COL14A1: variants seen among roughly 807,000 people sequenced by gnomAD.
The protein encoded by COL14A1 is collagen alpha-1(XIV) chain.
COL14A1 carries 136 observed loss-of-function variants against 230.3 expected under a neutral mutation model. That is an observed-to-expected ratio of 0.59 (90% confidence interval 0.51 to 0.68). COL14A1 has a LOEUF of 0.68. Among genes scored for constraint, COL14A1 ranks in the 30% least tolerant of loss-of-function variants. COL14A1 has a pLI of 0.00. For synonymous variants in COL14A1, 792 were observed against 784.1 expected, an observed-to-expected ratio of 1.01 and a Z score of -0.17; for missense variants, 1,976 against 2,215.8, an observed-to-expected ratio of 0.89 and a Z score of 2.17.
At chr8:120,236,353 C>T (rs1340214663) in intron 19 of COL14A1, among the ~76,000 whole-genome samples, 2 of 151,996 alleles carry the variant, frequency 1.3e-5, no homozygotes, top group Middle Eastern at 3.2e-3. Context: ...TGCATTGATC[C>T]CTTTACCATT....
chr8:120,369,212 G>T, intron 46 of COL14A1, 118 bp from the exon 47 acceptor site: 1 of 1,004,460 alleles, frequency 1.0e-6, no homozygotes, highest in Non-Finnish European at 1.4e-6. Context: ...GTAGAAAGAG[G>T]TTGTCCTAAT....
intron 34 of COL14A1, among the ~76,000 whole-genome samples, chr8:120,290,716 T>G (rs548423963): frequency 1.6e-4 from 24 of 152,294 alleles, no homozygotes; most frequent in African/African-American, 5.8e-4. Context: ...GACCCATGGT[T>G]CTAATTCCAC....
intron 4 of COL14A1, among the ~76,000 whole-genome samples, chr8:120,166,875 A>AGTGTGTGTGTGTGTGTGTGTGTGT (rs4053270): frequency 1.1e-4 from 13 of 116,970 alleles, no homozygotes; most frequent in Admixed American, 1.7e-4. Context: ...AAAGAATTTA[A>AGTGTGTGTGTGTGTGTGTGTGTGT]GTGTGTGTGT....
chr8:120,279,825 T>C (rs1819982329), intron 28 of COL14A1, 110 bp from the exon 29 acceptor site: 5 of 1,168,944 alleles, frequency 4.3e-6, no homozygotes, highest in South Asian at 3.2e-5. Flanking sequence ...TCCACCCCCA[T>C]GGGCCTTCCT....
intron 1 of COL14A1, among the ~76,000 whole-genome samples, chr8:120,137,252 A>G (rs1242519447): frequency 1.3e-5 from 2 of 152,160 alleles, no homozygotes; most frequent in Admixed American, 6.5e-5. Context: ...ATTATTGGCA[A>G]AAAGTTATTT....
chr8:120,341,432 G>A, intron 43 of COL14A1, 72 bp downstream of exon 43: 2 of 1,484,188 alleles, frequency 1.3e-6, no homozygotes, highest in Non-Finnish European at 1.9e-6. Context: ...CCTGATAAAG[G>A]ATCATCATTT....
intron 44 of COL14A1, among the ~76,000 whole-genome samples, chr8:120,344,051 CAG>C (rs1822410560): frequency 6.6e-6 from 1 of 152,300 alleles, no homozygotes; most frequent in African/African-American, 2.4e-5. Flanking sequence ...TACGAATTCT[CAG>C]AGTCTTGTGA....
At chr8:120,160,371 A>G (rs1815622304) in intron 3 of COL14A1, among the ~76,000 whole-genome samples, 1 of 151,964 alleles carries the variant, frequency 6.6e-6, no homozygotes, top group South Asian at 2.1e-4. Flanking sequence ...ACTTTTTTTG[A>G]TTAATTGCTG....
chr8:120,172,833 A>G (rs766233264), intron 5 of COL14A1, among the ~76,000 whole-genome samples: 1 of 152,118 alleles, frequency 6.6e-6, no homozygotes, highest in Non-Finnish European at 1.5e-5. Flanking sequence ...ACAACTTCCC[A>G]CCTTGAATGC....
At chr8:120,185,106 C>A (rs544249819) in intron 5 of COL14A1, among the ~76,000 whole-genome samples, 1 of 152,228 alleles carries the variant, frequency 6.6e-6, no homozygotes, top group East Asian at 1.9e-4. Context: ...ATAGGGCAGG[C>A]ATCTGTCAGG....
In COL14A1 at chr8:120,147,909, T is replaced by C; in HGVS notation, c.67T>C (p.Cys23Arg). ...LPPFLAIVYFCTIVQGQVAPP... is the reference protein window; with the variant it reads ...LPPFLAIVYFRTIVQGQVAPP... ...ACCTTTTTTGGCAATTGTTTATTTC[T>C]GCACCATTGTCCAAGGTCAAGGTAA... Residue 23 changes from cysteine (C) to arginine (R), a missense_variant, in exon 2 of 48, where the codon TGC becomes CGC. Around this residue, in one of 3 missense-constraint regions of COL14A1, gnomAD observed 181 missense variants for 178.6 expected, o/e 1.01. Transcript: ENST00000297848. 6.2e-7 allele frequency: 1 copy of C among 1,613,772 alleles called. No homozygotes were observed. The highest frequency in any genetic ancestry group is 8.5e-7 in the Non-Finnish European group (1 of 1,179,720).
chr8:120,310,100 C>G (rs776017738), intron 37 of COL14A1, 38 bp downstream of exon 37: 9 of 1,585,284 alleles, frequency 5.7e-6, no homozygotes, highest in Non-Finnish European at 7.8e-6. Context: ...TGTCTCATCT[C>G]TCTCTCTCTC....
intron 1 of COL14A1, among the ~76,000 whole-genome samples, chr8:120,139,641 T>C (rs1814833135): frequency 6.6e-6 from 1 of 152,196 alleles, no homozygotes; most frequent in Non-Finnish European, 1.5e-5. Flanking sequence ...TTTTTTGCTA[T>C]TTCAACATGT....
chr8:120,263,667 C>T (rs1819412804), intron 24 of COL14A1, among the ~76,000 whole-genome samples: 2 of 152,086 alleles, frequency 1.3e-5, no homozygotes, highest in African/African-American at 4.8e-5. Context: ...CATTTGTGTG[C>T]TTAACTCAGT....
chr8:120,137,113 T>C (rs1417836862), intron 1 of COL14A1, among the ~76,000 whole-genome samples: 1 of 152,084 alleles, frequency 6.6e-6, no homozygotes, highest in African/African-American at 2.4e-5. Context: ...CTTGTGGAAA[T>C]ATTTTTTAAT....
chr8:120,147,816 C>T lies in COL14A1; in HGVS notation c.-27C>T, dbSNP rs754886041. Reference sequence around the variant, plus strand: ...TCTCTCTGTTTCTAGGTGGCTGCTACACCCCATGTAAAAAGCGGAAAATAA... The same window carrying T: ...TCTCTCTGTTTCTAGGTGGCTGCTATACCCCATGTAAAAAGCGGAAAATAA... On this transcript the variant is annotated 5_prime_UTR_variant, in exon 2 of 48. Coordinates refer to ENST00000297848, the MANE Select transcript of COL14A1 (RefSeq NM_021110.4). The T allele has an allele frequency of 3.2e-6, 5 of 1,575,958 alleles. No individual in the cohort carries two copies. The highest frequency in any genetic ancestry group is 3.5e-6 in the Non-Finnish European group (4 of 1,148,574).
intron 14 of COL14A1, among the ~76,000 whole-genome samples, chr8:120,223,154 A>G (rs1332836363): frequency 6.6e-6 from 1 of 152,234 alleles, no homozygotes; most frequent in Non-Finnish European, 1.5e-5. Flanking sequence ...TATGGCAGAA[A>G]GAAAAGGTGC....
At chr8:120,192,113 A>G (rs944197372) in intron 5 of COL14A1, among the ~76,000 whole-genome samples, 4 of 152,080 alleles carry the variant, frequency 2.6e-5, no homozygotes, top group African/African-American at 9.7e-5. Context: ...TATTTTGCTC[A>G]TTAGTTGATG....
intron 47 of COL14A1, 101 bp from the exon 48 acceptor site, chr8:120,371,051 C>A: frequency 1.8e-6 from 2 of 1,122,142 alleles, no homozygotes; most frequent in Non-Finnish European, 2.6e-6. Context: ...GCTTTTTACC[C>A]AGCAGGATAT....
Sources: gnomAD v4.1 joint callset for allele counts (sites outside exome capture counted in the v4.1 genomes callset) on GRCh38, gnomAD v4.1.1 for gene constraint, gnomAD v4.1.1 regional missense constraint, MANE v1.5 for transcripts, NCBI Gene and HGNC (gene_info 2026-07-23, HGNC 2026-07-21) for gene names.